Variants in RASGEF1B observed in about 807,000 individuals in gnomAD.
RASGEF1B encodes ras-GEF domain-containing family member 1B.
In RASGEF1B, 30 loss-of-function variants were observed where a neutral mutation model predicts 65.7. The ratio of observed to expected loss-of-function variants is 0.46; its 90% CI spans 0.34 to 0.62. The LOEUF is 0.62. Among genes scored for constraint, RASGEF1B ranks in the 20% least tolerant of loss-of-function variants. RASGEF1B has a pLI of 0.01. For missense variants in RASGEF1B, 495 were observed against 580.1 expected (o/e 0.85, Z 1.51); for synonymous variants, 175 against 194.8 (o/e 0.90, Z 0.85).
At chr4:81,466,770 A>AGAAAGAAAG (rs1553947089) in intron 1 of RASGEF1B, among the ~76,000 whole-genome samples, 2 of 36,096 alleles carry the variant, frequency 5.5e-5, no homozygotes, top group Admixed American at 5.0e-4. Context: ...AAAAAAAAAA[A>AGAAAGAAAG]AAAGAAAGAA....
At chr4:81,466,324 C>A (rs551871136) in intron 1 of RASGEF1B, among the ~76,000 whole-genome samples, 152 of 152,296 alleles carry the variant, frequency 1.0e-3, no homozygotes, top group African/African-American at 3.4e-3. Flanking sequence ...CAAGTACTTG[C>A]AGCCTGTCTC....
chr4:81,456,444 T>G (rs1277345738), intron 4 of RASGEF1B: 1 of 678,700 alleles, frequency 1.5e-6, no homozygotes, highest in African/African-American at 1.8e-5. Context: ...ATTAATCACA[T>G]AAAACTCTAG....
chr4:81,435,673 CA>C (rs1721603802), intron 10 of RASGEF1B, among the ~76,000 whole-genome samples: 1 of 148,650 alleles, frequency 6.7e-6, no homozygotes, highest in African/African-American at 2.5e-5. Flanking sequence ...GACAGGGTTT[CA>C]CCGTGTTAGC....
chr4:81,456,623 G>A (rs1722450352), intron 4 of RASGEF1B, 28 bp downstream of exon 4: 3 of 1,612,820 alleles, frequency 1.9e-6, no homozygotes, highest in Non-Finnish European at 1.7e-6. Flanking sequence ...GGGAATTCCA[G>A]CAGCCGCGCT....
chr4:81,430,328 C>A (rs1429516144), intron 13 of RASGEF1B, among the ~76,000 whole-genome samples: 1 of 152,166 alleles, frequency 6.6e-6, no homozygotes, highest in Non-Finnish European at 1.5e-5. Flanking sequence ...AAAAGCTTTG[C>A]ACTCATTTTC....
At chr4:81,452,699 A>G (rs1442721916) in intron 4 of RASGEF1B, 1 of 152,192 alleles carries the variant, frequency 6.6e-6, no homozygotes, top group East Asian at 1.9e-4. Flanking sequence ...ATTCTTTTTT[A>G]TAACTTCAAA....
At chr4:81,433,743 G>A in intron 12 of RASGEF1B, 97 bp downstream of exon 12, 1 of 1,246,882 alleles carries the variant, frequency 8.0e-7, no homozygotes, top group Non-Finnish European at 1.1e-6. Context: ...TCAGAGGACA[G>A]GCCTCATTAC....
At chr4:81,442,860 T>C (rs923670209) in intron 8 of RASGEF1B, among the ~76,000 whole-genome samples, 2 of 152,256 alleles carry the variant, frequency 1.3e-5, no homozygotes, top group Non-Finnish European at 2.9e-5. Flanking sequence ...AAACCATTCT[T>C]AGCTCACTGG....
intron 1 of RASGEF1B, among the ~76,000 whole-genome samples, chr4:81,465,120 T>C (rs1322740132): frequency 1.3e-5 from 2 of 151,078 alleles, no homozygotes; most frequent in Non-Finnish European, 3.0e-5. Flanking sequence ...AATCAAGGAA[T>C]TCTTGTATTT....
Position 81,427,035 on chromosome 4 carries a change from C to G in RASGEF1B, c.*733G>C, listed in dbSNP as rs1321792616. 1 of 143,778 alleles carries G rather than the reference C, an allele frequency of 7.0e-6. No homozygotes were observed. The highest frequency in any genetic ancestry group is 2.0e-4 in the East Asian group (1 of 4,892). The allele number at this position is 143,778 out of a possible 1,614,324, so 8.9% of individuals were successfully genotyped here. ...AGTCCTTCTAGCATGTTAAGCAGTC[C>G]AATGACAAACTCTGCTTTTTATTTT... On this transcript the variant is annotated 3_prime_UTR_variant, in exon 14 of 14. Coordinates refer to ENST00000264400, the MANE Select transcript of RASGEF1B (RefSeq NM_152545.3).
rs62303592 is a variant in RASGEF1B, at chr4:81,428,666, G to A, written c.1398-874C>T. Among the ~76,000 whole-genome samples, 885 of 152,256 alleles carry A rather than the reference G, an allele frequency of 5.8e-3. 9 individuals carry two copies. Among genetic ancestry groups the A allele is most frequent in the South Asian group, 0.026 (127 of 4,814 alleles). ...AGAGGATGCATATGGCTATATTCAA[G>A]TATTATCTATTTATTATTTTGAGTT... is the stretch of plus-strand genomic sequence containing the variant. On this transcript the variant is annotated intron_variant, in intron 13 of 13. Transcript: ENST00000264400.
intron 12 of RASGEF1B, 104 bp downstream of exon 12, chr4:81,433,736 G>C: frequency 8.4e-7 from 1 of 1,184,918 alleles, no homozygotes; most frequent in Non-Finnish European, 1.2e-6. Context: ...GAACAGATCA[G>C]AGGACAGGCC....
intron 2 of RASGEF1B, among the ~76,000 whole-genome samples, chr4:81,458,370 A>G (rs1182838093): frequency 1.3e-5 from 2 of 152,192 alleles, no homozygotes; most frequent in Admixed American, 1.3e-4. Flanking sequence ...AGGGCTGAAC[A>G]AGGGATTCCT....
At chr4:81,445,865 G>T (rs1216726887) in intron 6 of RASGEF1B, 27 bp from the exon 7 acceptor site, 29 of 1,554,370 alleles carry the variant, frequency 1.9e-5, no homozygotes, top group Non-Finnish European at 2.6e-5. Flanking sequence ...GTAAACAGAT[G>T]AGTTAGAGGA....
intron 11 of RASGEF1B, 148 bp from the exon 12 acceptor site, chr4:81,434,111 G>T: frequency 1.5e-6 from 1 of 670,172 alleles, no homozygotes; most frequent in Non-Finnish European, 2.5e-6. Context: ...GTGCAGTGGT[G>T]CAATCATAGC....
At position 81,426,549 on chromosome 4, in the gene RASGEF1B, T is replaced by C. The variant is rs1721227765; in HGVS notation, c.*1219A>G. The C allele has an allele frequency of 6.6e-6, 1 of 152,238 alleles. No individual in the cohort carries two copies. The allele number at this position is 152,238 out of a possible 1,614,324, so 9.4% of individuals were successfully genotyped here. A position where few individuals can be genotyped will look rare whatever the true frequency, so the allele number is the denominator to read the frequency against. Reference sequence around the variant, plus strand: ...TACATCTGTTTTGAACATGGTATTTTGTTTTTCTCATTAGCACGAATTACT... The same window carrying C: ...TACATCTGTTTTGAACATGGTATTTCGTTTTTCTCATTAGCACGAATTACT... On this transcript the variant is annotated 3_prime_UTR_variant, in exon 14 of 14. Coordinates refer to ENST00000264400, the MANE Select transcript of RASGEF1B (RefSeq NM_152545.3).
intron 8 of RASGEF1B, among the ~76,000 whole-genome samples, chr4:81,445,208 T>C (rs961542357): frequency 6.6e-6 from 1 of 152,248 alleles, no homozygotes; most frequent in Non-Finnish European, 1.5e-5. Flanking sequence ...TCATTATTTC[T>C]ATAATACTTG....
intron 10 of RASGEF1B, among the ~76,000 whole-genome samples, chr4:81,436,823 C>T (rs1308067087): frequency 6.6e-6 from 1 of 152,172 alleles, no homozygotes. Context: ...ATTTAAAAAA[C>T]AAGTTTTGAT....
In RASGEF1B at chr4:81,427,773, C is replaced by T; in HGVS notation, c.1417G>A (p.Val473Ile). The change falls in exon 14 of 14, where the codon GTT becomes ATT. Residue 473 changes from valine (V) to isoleucine (I), a missense_variant. Coordinates refer to ENST00000264400, the MANE Select transcript of RASGEF1B (RefSeq NM_152545.3). The part of the protein sequence containing the change: ...KSLRSSLLGR[V>I] ...AGGCAGGCAGCTCCCATGTGTTAAACTCTGCCTAAGAGGCTCGACCTGAGT... is the reference window on the plus strand; with the variant it reads ...AGGCAGGCAGCTCCCATGTGTTAAATTCTGCCTAAGAGGCTCGACCTGAGT... The T allele has an allele frequency of 6.2e-7, 1 of 1,613,994 alleles. No homozygotes were observed. Among genetic ancestry groups the T allele is most frequent in the East Asian group, 2.2e-5 (1 of 44,866 alleles).
Sources: allele counts gnomAD v4.1 joint callset (sites outside exome capture counted in the v4.1 genomes callset), GRCh38; gene constraint gnomAD v4.1.1; transcripts MANE v1.5; gene names NCBI Gene and HGNC (gene_info 2026-07-23, HGNC 2026-07-21).